PHF24: variants seen among roughly 807,000 people sequenced by gnomAD.
PHF24 encodes the protein PHD finger protein 24, also known as Galpha inhibitory interacting protein.
A neutral mutation model predicts 42.6 loss-of-function variants in PHF24; 25 were observed. The observed-to-expected ratio is 0.59, with a 90% CI of 0.43 to 0.82. The LOEUF (loss-of-function observed/expected upper bound fraction) is 0.82, where lower values mean the gene tolerates loss of function less well. Ranked by LOEUF, PHF24 falls within the 40% of genes least tolerant of loss-of-function variation. The pLI is 0.00. For missense variants in PHF24, 470 were observed against 538.1 expected (o/e 0.87, Z 1.25); for synonymous variants, 185 against 204.8 (o/e 0.90, Z 0.83).
At chr9:34,921,163 A>G in the PHF24 span, among the ~76,000 whole-genome samples, 2 of 149,620 alleles carry the variant, frequency 1.3e-5, no homozygotes, top group Non-Finnish European at 3.0e-5. Flanking sequence ...GGTATGTCTC[A>G]TCTATACCCA....
chr9:34,750,670 T>C, the PHF24 span, among the ~76,000 whole-genome samples: 14 of 151,914 alleles, frequency 9.2e-5, no homozygotes, highest in Middle Eastern at 3.2e-3. Flanking sequence ...GCAAGTCTCA[T>C]AGTAACTTAA....
At chr9:34,794,129 C>T in the PHF24 span, among the ~76,000 whole-genome samples, 1 of 152,098 alleles carries the variant, frequency 6.6e-6, no homozygotes. Context: ...ATGCATTGAT[C>T]TGACTATAAA....
the PHF24 span, chr9:34,833,160 T>C: frequency 1.7e-5 from 26 of 1,550,526 alleles, no homozygotes; most frequent in African/African-American, 3.4e-4. Context: ...GGGTCCTCTC[T>C]GTTTCCTGCT....
chr9:34,894,624 A>G, the PHF24 span: 12 of 397,236 alleles, frequency 3.0e-5, no homozygotes, highest in Non-Finnish European at 5.3e-5. Flanking sequence ...ACACTAAGTC[A>G]CATCTGTGTA....
the PHF24 span, among the ~76,000 whole-genome samples, chr9:34,800,282 T>C: frequency 7.4e-3 from 1,131 of 152,214 alleles, 20 homozygotes; most frequent in African/African-American, 0.026. Flanking sequence ...TTTATAATGG[T>C]CAGAAAGAAG....
the PHF24 span, among the ~76,000 whole-genome samples, chr9:34,691,668 G>T: frequency 1.3e-5 from 2 of 152,148 alleles, no homozygotes; most frequent in African/African-American, 4.8e-5. Flanking sequence ...TCTTTCTTGG[G>T]CTGGTGGTGA....
the PHF24 span, among the ~76,000 whole-genome samples, chr9:34,856,616 G>T: frequency 1.3e-5 from 2 of 152,208 alleles, no homozygotes; most frequent in South Asian, 4.1e-4. Context: ...ACCAGTTAAG[G>T]CTGCAAAACA....
chr9:34,793,290 G>A, the PHF24 span, among the ~76,000 whole-genome samples: 5 of 152,108 alleles, frequency 3.3e-5, no homozygotes, highest in African/African-American at 1.2e-4. Flanking sequence ...CTTACCTCAA[G>A]AACCATTGTC....
At chr9:34,768,913 G>A in the PHF24 span, among the ~76,000 whole-genome samples, 1 of 131,266 alleles carries the variant, frequency 7.6e-6, no homozygotes, top group East Asian at 2.0e-4. Context: ...AGAGAGAGAG[G>A]GAGAGAGAGA....
the PHF24 span, among the ~76,000 whole-genome samples, chr9:34,859,126 A>G: frequency 6.6e-6 from 1 of 152,168 alleles, no homozygotes; most frequent in African/African-American, 2.4e-5. Context: ...TTGATCTCTC[A>G]AAAAAGTCTC....
chr9:34,819,082 TAA>T, the PHF24 span, among the ~76,000 whole-genome samples: 1 of 152,172 alleles, frequency 6.6e-6, no homozygotes, highest in African/African-American at 2.4e-5. Flanking sequence ...TTTGTTGGCA[TAA>T]AGTTATTCAT....
the PHF24 span, among the ~76,000 whole-genome samples, chr9:34,805,790 C>A: frequency 6.6e-6 from 1 of 152,100 alleles, no homozygotes. Context: ...TTGCCAACTC[C>A]AACATTATGA....
chr9:34,860,633 C>T, the PHF24 span, among the ~76,000 whole-genome samples: 1 of 151,522 alleles, frequency 6.6e-6, no homozygotes, highest in African/African-American at 2.4e-5. Context: ...TTCACATGCT[C>T]TTGATTTTAA....
At chr9:34,677,554 G>A in the PHF24 span, among the ~76,000 whole-genome samples, 3 of 151,778 alleles carry the variant, frequency 2.0e-5, no homozygotes, top group Middle Eastern at 3.2e-3. Context: ...CCGCCACCAC[G>A]CCTGGCTAAT....
chr9:34,739,787 G>A, the PHF24 span, among the ~76,000 whole-genome samples: 5 of 152,242 alleles, frequency 3.3e-5, no homozygotes, highest in African/African-American at 7.2e-5. Flanking sequence ...GCGTGTTGCC[G>A]CTGCTGGCTG....
At chr9:34,681,785 TG>T in the PHF24 span, among the ~76,000 whole-genome samples, 1 of 152,300 alleles carries the variant, frequency 6.6e-6, no homozygotes, top group African/African-American at 2.4e-5. Flanking sequence ...TACTCCAGCC[TG>T]GGTGACAGAG....
the PHF24 span, among the ~76,000 whole-genome samples, chr9:34,740,252 G>T: frequency 6.6e-6 from 1 of 152,348 alleles, no homozygotes; most frequent in South Asian, 2.1e-4. Flanking sequence ...TCAGCCCTTG[G>T]GTGGTCGATG....
the PHF24 span, among the ~76,000 whole-genome samples, chr9:34,801,838 TCATAA>T: frequency 7.6e-5 from 11 of 143,976 alleles, no homozygotes; most frequent in African/African-American, 2.6e-4. Flanking sequence ...ATGTTCTCAC[TCATAA>T]GTGGGAGTTG....
At chr9:34,722,612 A>C in the PHF24 span, among the ~76,000 whole-genome samples, 1 of 152,172 alleles carries the variant, frequency 6.6e-6, no homozygotes, top group Non-Finnish European at 1.5e-5. Context: ...AAACACTCAG[A>C]TATTTAATTG....
Sources: allele counts gnomAD v4.1 joint callset (sites outside exome capture counted in the v4.1 genomes callset), GRCh38; gene constraint gnomAD v4.1.1; transcripts MANE v1.5; gene names NCBI Gene and HGNC (gene_info 2026-07-23, HGNC 2026-07-21).